The following UMAD1 variants were observed in gnomAD, a reference collection of about 807,000 sequenced individuals.
UMAD1 encodes the protein UBAP1-MVB12-associated (UMA)-domain containing protein 1.
In UMAD1, 8 loss-of-function variants were observed where a neutral mutation model predicts 6.1. The ratio of observed to expected loss-of-function variants is 1.30; its 90% confidence interval spans 0.76 to 2.35. UMAD1 has a LOEUF of 2.35. Among genes scored for constraint, UMAD1 ranks in the 30% most tolerant of loss-of-function variants. The pLI, the probability that UMAD1 is intolerant of heterozygous loss-of-function variation, is 0.00. For missense variants in UMAD1, 130 were observed against 78.4 expected, an observed-to-expected ratio of 1.66 and a Z score of -2.49; for synonymous variants, 56 against 31.4, an observed-to-expected ratio of 1.78 and a Z score of -2.61.
At chr7:7,699,777 C>CTAAAA (rs1280513581) in intron 2 of UMAD1, among the ~76,000 whole-genome samples, 1 of 152,170 alleles carries the variant, frequency 6.6e-6, no homozygotes, top group Non-Finnish European at 1.5e-5. Flanking sequence ...ATGCCTTACA[C>CTAAAA]ATATTAAGTT....
At chr7:7,720,366 C>T (rs1049990432) in intron 2 of UMAD1, among the ~76,000 whole-genome samples, 1 of 152,132 alleles carries the variant, frequency 6.6e-6, no homozygotes, top group Non-Finnish European at 1.5e-5. Context: ...TAACCCTGGG[C>T]CTCTTCCCCA....
chr7:7,800,535 C>CA (rs34382589), intron 2 of UMAD1, among the ~76,000 whole-genome samples: 49,138 of 151,840 alleles, frequency 0.32, 7,987 homozygotes, highest in South Asian at 0.4. Flanking sequence ...TTGGTGCACC[C>CA]ATCACCTGAG....
At chr7:7,804,915 G>A (rs539054073) in intron 3 of UMAD1, among the ~76,000 whole-genome samples, 71 of 150,850 alleles carry the variant, frequency 4.7e-4, no homozygotes, top group Non-Finnish European at 9.3e-4. Flanking sequence ...TGGGAGGCGG[G>A]GGTTGCAGTG....
intron 3 of UMAD1, among the ~76,000 whole-genome samples, chr7:7,803,260 G>C: frequency 6.6e-6 from 1 of 152,218 alleles, no homozygotes; most frequent in East Asian, 1.9e-4. Flanking sequence ...AGGATTGCTT[G>C]AGGCTAGGAG....
At chr7:7,854,574 C>G (rs559793935) in intron 3 of UMAD1, among the ~76,000 whole-genome samples, 4 of 151,930 alleles carry the variant, frequency 2.6e-5, no homozygotes, top group Non-Finnish European at 5.9e-5. Flanking sequence ...GGGAAACCAC[C>G]CCCATGATTC....
chr7:7,769,608 A>G (rs996211189), intron 2 of UMAD1, among the ~76,000 whole-genome samples: 2 of 152,104 alleles, frequency 1.3e-5, no homozygotes, highest in African/African-American at 4.8e-5. Flanking sequence ...GGCCAATCAA[A>G]TTTATTGTGG....
intron 1 of UMAD1, among the ~76,000 whole-genome samples, chr7:7,661,483 G>A (rs1311324371): frequency 6.6e-6 from 1 of 152,158 alleles, no homozygotes; most frequent in Non-Finnish European, 1.5e-5. Context: ...TGACCTTTCA[G>A]TGGGGTTTCT....
intron 2 of UMAD1, among the ~76,000 whole-genome samples, chr7:7,756,815 G>A (rs1396618119): frequency 1.3e-5 from 2 of 152,210 alleles, no homozygotes; most frequent in Non-Finnish European, 2.9e-5. Context: ...CATATGTAGA[G>A]TTACAGTCTG....
intron 2 of UMAD1, among the ~76,000 whole-genome samples, chr7:7,765,427 A>G (rs1201252706): frequency 6.6e-6 from 1 of 152,144 alleles, no homozygotes; most frequent in Non-Finnish European, 1.5e-5. Context: ...ATTTTTGGCT[A>G]CTCTTATTTA....
At position 7,754,292 on chromosome 7, in the gene UMAD1, AG is replaced by A. The variant is rs200203989; in HGVS notation, c.83-47377del. Among the ~76,000 whole-genome samples, 17 of 152,300 alleles carry A rather than the reference AG, an allele frequency of 1.1e-4. No individual in the cohort carries two copies. The East Asian group carries it at 2.7e-3, about 24-fold the overall frequency. On this transcript the variant is annotated intron_variant, in intron 2 of 3. Transcript: ENST00000682710. ...TGTAATTGCCTGTCTTGTGAATATA[AG>A]CCATTTTAACTCAGGTGACATGATA...
intron 3 of UMAD1, among the ~76,000 whole-genome samples, chr7:7,814,277 A>T (rs991065243): frequency 6.6e-6 from 1 of 152,130 alleles, no homozygotes; most frequent in African/African-American, 2.4e-5. Flanking sequence ...AGCCACTGTC[A>T]TATTGCTTTT....
intron 2 of UMAD1, among the ~76,000 whole-genome samples, chr7:7,732,528 G>T (rs1321031190): frequency 1.3e-5 from 2 of 152,124 alleles, no homozygotes; most frequent in Non-Finnish European, 2.9e-5. Flanking sequence ...AAATCAGTGT[G>T]CCTAAGACTT....
At chr7:7,734,214 A>G (rs1180011141) in intron 2 of UMAD1, among the ~76,000 whole-genome samples, 1 of 152,126 alleles carries the variant, frequency 6.6e-6, no homozygotes, top group Non-Finnish European at 1.5e-5. Flanking sequence ...AGCTCATGAC[A>G]TCTCAGAGCT....
At position 7,673,352 on chromosome 7, in the gene UMAD1, CA is replaced by C. The variant is rs1779657110; in HGVS notation, c.-19del. Reference sequence around the variant, plus strand: ...GCAGCAGCAGCAGCAGCAGCAGCAGCAGCAGCAGCAGCAGCAGCAATGTTTC... The same window carrying C: ...GCAGCAGCAGCAGCAGCAGCAGCAGCGCAGCAGCAGCAGCAGCAATGTTTC... On this transcript the variant is annotated 5_prime_UTR_variant, in exon 2 of 4. Coordinates refer to ENST00000682710, the MANE Select transcript of UMAD1 (RefSeq NM_001302348.2). 3 of 1,282,292 alleles carry C rather than the reference CA, an allele frequency of 2.3e-6. No homozygotes were observed. In the African/African-American group the frequency reaches 4.5e-5, roughly 19 times the overall value. 79.4% of individuals were successfully genotyped at this position (1,282,292 alleles called of 1,614,324 possible).
intron 3 of UMAD1, among the ~76,000 whole-genome samples, chr7:7,874,632 C>T (rs906475785): frequency 1.3e-5 from 2 of 152,300 alleles, no homozygotes; most frequent in South Asian, 4.1e-4. Context: ...GCCTAGCCAA[C>T]ATGGTGAAAC....
chr7:7,658,468 A>G (rs1785397572), intron 1 of UMAD1, among the ~76,000 whole-genome samples: 1 of 152,324 alleles, frequency 6.6e-6, no homozygotes, highest in Admixed American at 6.5e-5. Context: ...AGCTCTTATT[A>G]TTTTGAGATA....
At chr7:7,816,232 G>A (rs1345164166) in intron 3 of UMAD1, among the ~76,000 whole-genome samples, 1 of 152,092 alleles carries the variant, frequency 6.6e-6, no homozygotes, top group African/African-American at 2.4e-5. Flanking sequence ...TGAGACTTGC[G>A]CCTGACTAAC....
chr7:7,761,439 A>T (rs1278381700), intron 2 of UMAD1, among the ~76,000 whole-genome samples: 2 of 151,758 alleles, frequency 1.3e-5, no homozygotes, highest in Non-Finnish European at 2.9e-5. Flanking sequence ...TGTTTATTAG[A>T]ATAAGACACT....
chr7:7,850,249 T>A (rs1246421675), intron 3 of UMAD1, among the ~76,000 whole-genome samples: 1 of 152,150 alleles, frequency 6.6e-6, no homozygotes, highest in Admixed American at 6.6e-5. Flanking sequence ...TTTTACAAAT[T>A]ACAAATATTG....
Sources: allele counts gnomAD v4.1 joint callset (sites outside exome capture counted in the v4.1 genomes callset), GRCh38; gene constraint gnomAD v4.1.1; transcripts MANE v1.5; gene names NCBI Gene and HGNC (gene_info 2026-07-23, HGNC 2026-07-21).